The following CDC14B variants were observed in gnomAD, a reference collection of about 807,000 sequenced individuals.
The protein encoded by CDC14B is dual specificity protein phosphatase CDC14B.
In CDC14B, 22 loss-of-function variants were observed where a neutral mutation model predicts 64.2. The ratio of observed to expected loss-of-function variants is 0.34; its 90% confidence interval spans 0.24 to 0.49. The LOEUF (loss-of-function observed/expected upper bound fraction) is 0.49. CDC14B is among the 20% of genes least tolerant of loss of function. The probability of loss-of-function intolerance (pLI) is 0.99; values close to 1 mark genes in which losing one functional copy is unlikely to be tolerated. For missense variants in CDC14B, 498 were observed against 629.9 expected (o/e 0.79, Z 2.24); for synonymous variants, 191 against 215.8 (o/e 0.89, Z 1.01).
At chr9:96,561,137 A>G (rs1843121079) in intron 4 of CDC14B, among the ~76,000 whole-genome samples, 1 of 152,006 alleles carries the variant, frequency 6.6e-6, no homozygotes. Flanking sequence ...AGGTTTCACC[A>G]TGTTGGCCAG....
exon 14 of CDC14B, chr9:96,492,099 G>A (rs1833107083): frequency 1.3e-5 from 2 of 152,480 alleles, no homozygotes; most frequent in African/African-American, 4.8e-5. Context: ...TGTGACGTGG[G>A]TGTGGACATG....
At chr9:96,616,049 C>T (rs1847604344) in intron 1 of CDC14B, among the ~76,000 whole-genome samples, 1 of 152,134 alleles carries the variant, frequency 6.6e-6, no homozygotes, top group African/African-American at 2.4e-5. Flanking sequence ...TAATCAGCTG[C>T]GGGCGGTGGC....
At chr9:96,497,924 C>T (rs767789767), downstream of CDC14B, among the ~76,000 whole-genome samples, 2 of 152,116 alleles carry the variant, frequency 1.3e-5, no homozygotes, top group African/African-American at 2.4e-5. Context: ...AACAATTGTA[C>T]CAAGCTGCTT....
intron 9 of CDC14B, among the ~76,000 whole-genome samples, chr9:96,533,397 T>A (rs1363329422): frequency 6.6e-6 from 1 of 152,286 alleles, no homozygotes; most frequent in African/African-American, 2.4e-5. Context: ...GCAGTAACTC[T>A]GGAGATCAGT....
intron 1 of CDC14B, chr9:96,567,125 G>T (rs538982983): frequency 1.0e-5 from 6 of 571,536 alleles, no homozygotes; most frequent in Non-Finnish European, 1.7e-5. Flanking sequence ...ACGCGGGGCG[G>T]CCTGTGCCAA....
At chr9:96,605,110 T>C (rs1343117677) in intron 1 of CDC14B, among the ~76,000 whole-genome samples, 1 of 151,958 alleles carries the variant, frequency 6.6e-6, no homozygotes, top group Non-Finnish European at 1.5e-5. Flanking sequence ...CAATAACACA[T>C]TCAATTTAAG....
In CDC14B at chr9:96,551,808, T is replaced by C; in HGVS notation, c.485A>G (p.Tyr162Cys). The C allele has an allele frequency of 6.2e-7, 1 of 1,610,840 alleles. No individual in the cohort carries two copies. The highest frequency in any genetic ancestry group is 8.5e-7 in the Non-Finnish European group (1 of 1,178,068). ...YRILIFGETS[Y>C]IPFRDAAYGS... Reference sequence around the variant, plus strand: ...TTCTTATATTTACCTGAAAGGAATATAGGATGTCTCTCCAAAGATTAATAT... The same window carrying C: ...TTCTTATATTTACCTGAAAGGAATACAGGATGTCTCTCCAAAGATTAATAT... The change falls in exon 5 of 14, where the codon TAT becomes TGT. Residue 162 changes from tyrosine to cysteine, a missense_variant. Coordinates refer to ENST00000375241, the MANE Select transcript of CDC14B (RefSeq NM_033331.4).
chr9:96,543,352 A>G (rs951592388), intron 5 of CDC14B, among the ~76,000 whole-genome samples: 1 of 152,070 alleles, frequency 6.6e-6, no homozygotes, highest in African/African-American at 2.4e-5. Flanking sequence ...AAAAAAAAAA[A>G]ACTTCTAGCC....
intron 12 of CDC14B, among the ~76,000 whole-genome samples, chr9:96,517,286 G>T (rs1249626262): frequency 1.3e-5 from 2 of 151,316 alleles, no homozygotes; most frequent in Non-Finnish European, 2.9e-5. Context: ...AGGTTGCAGT[G>T]AGCCGAGATC....
At chr9:96,578,619 G>A (rs1844945186) in intron 1 of CDC14B, among the ~76,000 whole-genome samples, 1 of 152,120 alleles carries the variant, frequency 6.6e-6, no homozygotes, top group Non-Finnish European at 1.5e-5. Context: ...CTACAAAATA[G>A]CTGACCCATT....
intron 1 of CDC14B, among the ~76,000 whole-genome samples, chr9:96,607,668 C>T (rs868723826): frequency 6.6e-6 from 1 of 152,102 alleles, no homozygotes; most frequent in African/African-American, 2.4e-5. Flanking sequence ...CGTGATCCAC[C>T]CGCCTTGGCC....
intron 1 of CDC14B, among the ~76,000 whole-genome samples, chr9:96,583,711 C>A (rs1025882295): frequency 6.7e-6 from 1 of 149,482 alleles, no homozygotes; most frequent in Non-Finnish European, 1.5e-5. Flanking sequence ...GTGAGGATTT[C>A]TTATTTTTTA....
chr9:96,545,711 C>CTT (rs59702080), intron 5 of CDC14B, among the ~76,000 whole-genome samples: 4 of 142,504 alleles, frequency 2.8e-5, no homozygotes, highest in Non-Finnish European at 4.7e-5. Context: ...TTCTTCAATG[C>CTT]TTTTTTTTTT....
chr9:96,522,525 T>C lies in CDC14B; in HGVS notation c.1324A>G (p.Thr442Ala). ...RALKSRRQSK[T>A]NAIPLTVILQ... ...ACTCACGTGAGAGGAATAGCGTTTG[T>C]TTTGGATTGTCTTCTGCTTTTCAAG... Residue 442 changes from threonine (T) to alanine (A), a missense_variant, in exon 12 of 14, where the codon ACA becomes GCA. Coordinates refer to ENST00000375241, the MANE Select transcript of CDC14B (RefSeq NM_033331.4). 2 of 1,612,558 alleles carry C rather than the reference T, an allele frequency of 1.2e-6. No individual in the cohort carries two copies. Among genetic ancestry groups the C allele is most frequent in the Non-Finnish European group, 1.7e-6 (2 of 1,178,522 alleles).
chr9:96,494,874 G>A (rs1452397414), intron 13 of CDC14B, among the ~76,000 whole-genome samples: 5 of 146,526 alleles, frequency 3.4e-5, no homozygotes, highest in Admixed American at 6.9e-5. Context: ...TCGCTCTGTC[G>A]CCCAGGCTGC....
chr9:96,565,973 T>C (rs1843853792), intron 1 of CDC14B, among the ~76,000 whole-genome samples: 1 of 152,238 alleles, frequency 6.6e-6, no homozygotes, highest in Non-Finnish European at 1.5e-5. Context: ...ACAAACCATA[T>C]GTTTCTCCAA....
At chr9:96,543,331 A>G (rs1200398497) in intron 5 of CDC14B, among the ~76,000 whole-genome samples, 2 of 148,964 alleles carry the variant, frequency 1.3e-5, no homozygotes, top group African/African-American at 5.0e-5. Flanking sequence ...GAGACTCGAG[A>G]CTCGTCTCAA....
chr9:96,496,359 G>C (rs965990665), downstream of CDC14B: 4 of 512,752 alleles, frequency 7.8e-6, no homozygotes, highest in Admixed American at 7.9e-5. Flanking sequence ...GCCAACCATC[G>C]CTGGAAAAGG....
At chr9:96,550,962 G>T (rs1841714993) in intron 5 of CDC14B, among the ~76,000 whole-genome samples, 1 of 151,888 alleles carries the variant, frequency 6.6e-6, no homozygotes, top group South Asian at 2.1e-4. Flanking sequence ...TGTGTCCCCA[G>T]AAAAAAGGGG....
Sources: allele counts gnomAD v4.1 joint callset (sites outside exome capture counted in the v4.1 genomes callset), GRCh38; gene constraint gnomAD v4.1.1; transcripts MANE v1.5; gene names NCBI Gene and HGNC (gene_info 2026-07-23, HGNC 2026-07-21).